Variants in GALNT13 observed in about 807,000 individuals in gnomAD.
GALNT13 encodes the protein polypeptide N-acetylgalactosaminyltransferase 13, also known as UDP-GalNAc:polypeptide N-acetylgalactosaminyltransferase 13.
GALNT13 carries 28 observed loss-of-function variants against 64.2 expected under a neutral mutation model. That is an observed-to-expected ratio of 0.44 (90% CI 0.32 to 0.60). The LOEUF is 0.60. GALNT13 is among the 20% of genes least tolerant of loss of function. The probability of loss-of-function intolerance (pLI) is 0.05; values close to 1 mark genes in which losing one functional copy is unlikely to be tolerated. For missense variants in GALNT13, 577 were observed against 669.8 expected, an observed-to-expected ratio of 0.86 and a Z score of 1.53; for synonymous variants, 214 against 224.6, an observed-to-expected ratio of 0.95 and a Z score of 0.42.
the GALNT13 span, among the ~76,000 whole-genome samples, chr2:153,287,434 T>G: frequency 6.6e-6 from 1 of 152,214 alleles, no homozygotes; most frequent in African/African-American, 2.4e-5. Context: ...GGGTTCTTTA[T>G]GTAGTGTCCA....
the GALNT13 span, among the ~76,000 whole-genome samples, chr2:153,155,782 T>G: frequency 2.0e-5 from 3 of 152,076 alleles, no homozygotes; most frequent in Non-Finnish European, 2.9e-5. Flanking sequence ...GTTTGCTCTT[T>G]GTTCTCTAGT....
chr2:154,292,281 A>G (rs1574032042), intron 8 of GALNT13, among the ~76,000 whole-genome samples: 1 of 151,982 alleles, frequency 6.6e-6, no homozygotes, highest in Non-Finnish European at 1.5e-5. Context: ...TTGCTGACAT[A>G]CCCTCATATA....
At chr2:153,076,224 A>G in the GALNT13 span, among the ~76,000 whole-genome samples, 1 of 152,156 alleles carries the variant, frequency 6.6e-6, no homozygotes, top group African/African-American at 2.4e-5. Context: ...CATTGCTACT[A>G]GCAATAAGTG....
chr2:153,410,131 G>T, the GALNT13 span, among the ~76,000 whole-genome samples: 2 of 152,114 alleles, frequency 1.3e-5, no homozygotes, highest in Admixed American at 1.3e-4. Context: ...TGTCACCTAG[G>T]CTGGGGTGCA....
chr2:153,545,373 T>C, the GALNT13 span, among the ~76,000 whole-genome samples: 1 of 152,134 alleles, frequency 6.6e-6, no homozygotes, highest in Non-Finnish European at 1.5e-5. Context: ...TGATTCCATG[T>C]ACACATCTTA....
intron 4 of GALNT13, among the ~76,000 whole-genome samples, chr2:154,194,159 C>T (rs1183533295): frequency 6.6e-6 from 1 of 152,038 alleles, no homozygotes; most frequent in Non-Finnish European, 1.5e-5. Context: ...TTTTAAAGTT[C>T]CAAAGATGAT....
At chr2:153,798,719 G>A in the GALNT13 span, among the ~76,000 whole-genome samples, 1 of 152,076 alleles carries the variant, frequency 6.6e-6, no homozygotes. Context: ...TTTTATCTAA[G>A]TTGTTATATA....
At chr2:154,419,471 A>G (rs1700160498) in intron 11 of GALNT13, among the ~76,000 whole-genome samples, 1 of 152,170 alleles carries the variant, frequency 6.6e-6, no homozygotes, top group Non-Finnish European at 1.5e-5. Flanking sequence ...TTGATTGTTA[A>G]CATCTACCAT....
the GALNT13 span, among the ~76,000 whole-genome samples, chr2:153,511,080 A>G: frequency 6.6e-6 from 1 of 152,226 alleles, no homozygotes; most frequent in South Asian, 2.1e-4. Flanking sequence ...GGGAGCAGAG[A>G]AAGGGGTGGA....
At chr2:153,448,083 AGAAT>A in the GALNT13 span, among the ~76,000 whole-genome samples, 411 of 152,338 alleles carry the variant, frequency 2.7e-3, 17 homozygotes, top group East Asian at 0.073. Context: ...TTGCAAAGCC[AGAAT>A]TTTAACTGTA....
chr2:154,025,315 C>A (rs147381413), intron 3 of GALNT13, among the ~76,000 whole-genome samples: 1 of 152,154 alleles, frequency 6.6e-6, no homozygotes, highest in Non-Finnish European at 1.5e-5. Context: ...GGCTCCTCCC[C>A]CCATGTTTAA....
chr2:153,950,993 A>T (rs1047946149), intron 3 of GALNT13, among the ~76,000 whole-genome samples: 1 of 152,132 alleles, frequency 6.6e-6, no homozygotes, highest in African/African-American at 2.4e-5. Context: ...AAACACTAAA[A>T]GTAACTAAAA....
intron 3 of GALNT13, among the ~76,000 whole-genome samples, chr2:154,036,426 G>C (rs535688519): frequency 6.6e-6 from 1 of 152,196 alleles, no homozygotes; most frequent in African/African-American, 2.4e-5. Context: ...GAGAGGATAA[G>C]TGTTTCACCA....
At chr2:153,423,058 T>C in the GALNT13 span, among the ~76,000 whole-genome samples, 1 of 151,870 alleles carries the variant, frequency 6.6e-6, no homozygotes, top group Admixed American at 6.6e-5. Flanking sequence ...TCAGGGATGT[T>C]AGTGAAAAAA....
At chr2:153,888,161 G>A (rs1012365975) in intron 1 of GALNT13, among the ~76,000 whole-genome samples, 9 of 151,880 alleles carry the variant, frequency 5.9e-5, no homozygotes, top group Admixed American at 1.3e-4. Flanking sequence ...TTGTGCAAAT[G>A]ATAATTATAC....
At chr2:153,322,502 T>A in the GALNT13 span, among the ~76,000 whole-genome samples, 934 of 152,218 alleles carry the variant, frequency 6.1e-3, 11 homozygotes, top group African/African-American at 0.021. Flanking sequence ...ATTGGTAGAA[T>A]GATTTATTTA....
the GALNT13 span, among the ~76,000 whole-genome samples, chr2:153,768,517 T>C: frequency 6.6e-6 from 1 of 152,194 alleles, no homozygotes; most frequent in Non-Finnish European, 1.5e-5. Flanking sequence ...ATCTTCTTGT[T>C]CCATTGAAAC....
chr2:153,368,190 C>T, the GALNT13 span, among the ~76,000 whole-genome samples: 1 of 152,038 alleles, frequency 6.6e-6, no homozygotes, highest in Non-Finnish European at 1.5e-5. Flanking sequence ...TGTTGAAACT[C>T]GAATCCTCAA....
At chr2:153,973,759 T>A (rs1693895480) in intron 3 of GALNT13, among the ~76,000 whole-genome samples, 1 of 152,000 alleles carries the variant, frequency 6.6e-6, no homozygotes, top group African/African-American at 2.4e-5. Context: ...CTCCTTTTAC[T>A]TTTTAGACGT....
Sources: gnomAD v4.1 joint callset for allele counts (sites outside exome capture counted in the v4.1 genomes callset) on GRCh38, gnomAD v4.1.1 for gene constraint, MANE v1.5 for transcripts, NCBI Gene and HGNC (gene_info 2026-07-23, HGNC 2026-07-21) for gene names.